Variants in DAPP1 observed in about 807,000 individuals in gnomAD.
DAPP1 encodes dual adaptor of phosphotyrosine and 3-phosphoinositides 1.
A neutral mutation model predicts 41.5 loss-of-function variants in DAPP1; 20 were observed. That is an observed-to-expected ratio of 0.48 (90% confidence interval 0.34 to 0.70). The LOEUF is 0.70. DAPP1 is among the 30% of genes least tolerant of loss of function. DAPP1 has a pLI of 0.01. For synonymous variants in DAPP1, 113 were observed against 116.2 expected, an observed-to-expected ratio of 0.97 and a Z score of 0.18; for missense variants, 233 against 333.4, an observed-to-expected ratio of 0.70 and a Z score of 2.35.
At chr4:99,865,914 T>TATA (rs1560710926) in intron 7 of DAPP1, 120 bp from the exon 8 acceptor site, 5 of 76,490 alleles carry the variant, frequency 6.5e-5, no homozygotes, top group Non-Finnish European at 1.3e-4. Flanking sequence ...TATATATATA[T>TATA]ATATATATAT....
intron 3 of DAPP1, chr4:99,844,098 A>C (rs1560698013): frequency 6.6e-6 from 1 of 152,226 alleles, no homozygotes; most frequent in Admixed American, 6.5e-5. Flanking sequence ...GTCCCTCTCC[A>C]TCCCACGGCC....
intron 3 of DAPP1, among the ~76,000 whole-genome samples, chr4:99,847,854 G>GC: frequency 6.6e-6 from 1 of 152,004 alleles, no homozygotes; most frequent in East Asian, 1.9e-4. Context: ...TCACTCTGTT[G>GC]CCAGGCTGGA....
At chr4:99,859,445 T>C (rs908702154) in intron 4 of DAPP1, among the ~76,000 whole-genome samples, 12 of 152,164 alleles carry the variant, frequency 7.9e-5, no homozygotes, top group African/African-American at 2.9e-4. Context: ...GGAAAATATG[T>C]ATGTATATAC....
intron 1 of DAPP1, among the ~76,000 whole-genome samples, chr4:99,822,672 T>G (rs1275470094): frequency 1.3e-5 from 2 of 152,190 alleles, no homozygotes; most frequent in African/African-American, 4.8e-5. Context: ...GGTCTGGTTC[T>G]GGTCTCTACC....
intron 1 of DAPP1, among the ~76,000 whole-genome samples, chr4:99,821,519 T>G (rs564228109): frequency 1.3e-5 from 2 of 152,368 alleles, no homozygotes; most frequent in East Asian, 3.9e-4. Flanking sequence ...TTTGCCCATG[T>G]GAACTTGTTT....
At chr4:99,835,011 CAT>C (rs1491133508) in intron 1 of DAPP1, among the ~76,000 whole-genome samples, 3 of 20,304 alleles carry the variant, frequency 1.5e-4, no homozygotes, top group Non-Finnish European at 3.4e-4. Context: ...CTAATGACCT[CAT>C]TTTTTTTTTT....
intron 1 of DAPP1, among the ~76,000 whole-genome samples, chr4:99,834,110 C>T (rs1303167067): frequency 6.6e-6 from 1 of 152,160 alleles, no homozygotes; most frequent in Admixed American, 6.5e-5. Context: ...CATTTCATGC[C>T]TCTATGACAT....
At chr4:99,856,907 A>G (rs537874347) in intron 4 of DAPP1, among the ~76,000 whole-genome samples, 1 of 152,162 alleles carries the variant, frequency 6.6e-6, no homozygotes, top group South Asian at 2.1e-4. Context: ...AGCCTTGGGA[A>G]CCCAAATCTT....
chr4:99,863,964 A>C, intron 7 of DAPP1, 109 bp downstream of exon 7: 1 of 718,004 alleles, frequency 1.4e-6, no homozygotes, highest in Non-Finnish European at 2.3e-6. Context: ...ATCAGATATG[A>C]GGGGCATGCC....
intron 1 of DAPP1, among the ~76,000 whole-genome samples, chr4:99,824,579 C>G (rs999761888): frequency 2.0e-5 from 3 of 152,152 alleles, no homozygotes; most frequent in African/African-American, 7.2e-5. Context: ...ATAGCTGAAG[C>G]TTCCTGAAAG....
At chr4:99,867,720 A>G (rs1167550339) in intron 8 of DAPP1, among the ~76,000 whole-genome samples, 8 of 152,124 alleles carry the variant, frequency 5.3e-5, no homozygotes, top group Admixed American at 3.9e-4. Flanking sequence ...TAATATACAA[A>G]CTCCAAACAA....
Position 99,853,998 on chromosome 4 carries a change from A to AT in DAPP1, c.489+657dup, listed in dbSNP as rs534618169. Among the ~76,000 whole-genome samples the AT allele has an allele frequency of 2.2e-3, 338 of 152,294 alleles. 1 individual carries two copies. The highest frequency in any genetic ancestry group is 8.0e-3 in the African/African-American group (331 of 41,556). On this transcript the variant is annotated intron_variant, in intron 4 of 8. Coordinates refer to ENST00000512369, the MANE Select transcript of DAPP1 (RefSeq NM_014395.3). ...CAATTTTCTTATATTAAGAAAATAT[A>AT]TTTTTTTAAATATTTCAACTATCTA...
intron 8 of DAPP1, chr4:99,866,641 C>T (rs1428794506): frequency 1.3e-6 from 1 of 762,144 alleles, no homozygotes; most frequent in African/African-American, 1.7e-5. Context: ...AAAACTTCAC[C>T]AATCTTCTAC....
At position 99,865,406 on chromosome 4, in the gene DAPP1, G is replaced by A. The variant is rs371502990; in HGVS notation, c.687-628G>A. On this transcript the variant is annotated intron_variant, in intron 7 of 8. Transcript: ENST00000512369. ...TTAGGAAAAGTATTTTGTGCCAGTA[G>A]GAAAGTTCTTATTCCCTGCAGCAGA... is the stretch of plus-strand genomic sequence containing the variant. The A allele has an allele frequency of 1.6e-4, 24 of 152,308 alleles. No homozygotes were observed. The South Asian group carries it at 2.5e-3, about 16-fold the overall frequency. The allele number at this position is 152,308 out of a possible 1,614,324, so 9.4% of individuals were successfully genotyped here.
chr4:99,823,891 A>G (rs1722853594), intron 1 of DAPP1, among the ~76,000 whole-genome samples: 1 of 152,230 alleles, frequency 6.6e-6, no homozygotes, highest in African/African-American at 2.4e-5. Flanking sequence ...TGAGCTAAGC[A>G]AAATAAGCGA....
intron 1 of DAPP1, among the ~76,000 whole-genome samples, chr4:99,832,102 A>G (rs1433928656): frequency 6.6e-6 from 1 of 152,124 alleles, no homozygotes; most frequent in East Asian, 1.9e-4. Context: ...AGTTTGCAAT[A>G]TGCTTGTCTT....
chr4:99,820,704 T>C (rs1722746328), intron 1 of DAPP1, among the ~76,000 whole-genome samples: 1 of 152,200 alleles, frequency 6.6e-6, no homozygotes, highest in Non-Finnish European at 1.5e-5. Flanking sequence ...GGGTAACGAA[T>C]GTTTTAGGCT....
chr4:99,868,013 T>C, intron 8 of DAPP1, 104 bp from the exon 9 acceptor site: 1 of 1,003,482 alleles, frequency 1.0e-6, no homozygotes, highest in South Asian at 1.3e-5. Context: ...CTTAGAGTTG[T>C]ATGACATCCT....
At chr4:99,847,844 T>G (rs1723718369) in intron 3 of DAPP1, among the ~76,000 whole-genome samples, 1 of 151,162 alleles carries the variant, frequency 6.6e-6, no homozygotes, top group South Asian at 2.1e-4. Flanking sequence ...AGACAGAGTC[T>G]CACTCTGTTG....
Sources: allele counts gnomAD v4.1 joint callset (sites outside exome capture counted in the v4.1 genomes callset), GRCh38; gene constraint gnomAD v4.1.1; transcripts MANE v1.5; gene names NCBI Gene and HGNC (gene_info 2026-07-23, HGNC 2026-07-21).